The following PTPRD variants were observed in gnomAD, a reference collection of about 807,000 sequenced individuals.
PTPRD encodes protein tyrosine phosphatase receptor type D, also known as receptor-type tyrosine-protein phosphatase delta.
A neutral mutation model predicts 214.5 loss-of-function variants in PTPRD; 34 were observed. The observed-to-expected ratio is 0.16, with a 90% CI of 0.12 to 0.21. The LOEUF (loss-of-function observed/expected upper bound fraction) is 0.21. Ranked by LOEUF, PTPRD falls within the 10% of genes least tolerant of loss-of-function variation. PTPRD has a pLI of 1.00. For missense variants in PTPRD, 2,545 were observed against 2,398.7 expected (o/e 1.06, Z -1.27); for synonymous variants, 1,128 against 845.7 (o/e 1.33, Z -5.79).
At position 9,209,097 on chromosome 9, in the gene PTPRD, C is replaced by T. The variant is rs561422518; in HGVS notation, c.-202-25734G>A. ...TGCTGGAATTACAGGCTTGAGCCAC[C>T]GCGACCGGCTGACAATATAACTCCT... is the stretch of plus-strand genomic sequence containing the variant. On this transcript the variant is annotated intron_variant, in intron 9 of 45. Transcript: ENST00000381196. 1.7e-3 allele frequency among the ~76,000 whole-genome samples: 258 copies of T among 152,178 alleles called. 1 individual carries two copies. The highest frequency in any genetic ancestry group is 5.9e-3 in the African/African-American group (245 of 41,520).
At chr9:9,887,551 A>C (rs2071434602) in intron 5 of PTPRD, among the ~76,000 whole-genome samples, 1 of 152,158 alleles carries the variant, frequency 6.6e-6, no homozygotes, top group South Asian at 2.1e-4. Context: ...GAACAACATT[A>C]GATGTTAAAC....
chr9:8,319,372 A>G (rs1251141810), intron 45 of PTPRD, among the ~76,000 whole-genome samples: 1 of 152,084 alleles, frequency 6.6e-6, no homozygotes, highest in Non-Finnish European at 1.5e-5. Flanking sequence ...AGGCTTATCC[A>G]GAATCAAAAT....
chr9:9,599,046 G>A lies in PTPRD; in HGVS notation c.-286-24265C>T, dbSNP rs188791282. On this transcript the variant is annotated intron_variant, in intron 7 of 45. Transcript: ENST00000381196. ...ATGGATGATACAATGGATGATAAAT[G>A]TTTTTGCCCAGAGATTATCTAACCA... 3.9e-5 allele frequency among the ~76,000 whole-genome samples: 6 copies of A among 152,062 alleles called. No individual in the cohort carries two copies. In the East Asian group the frequency reaches 5.8e-4, roughly 15 times the overall value.
chr9:8,756,651 T>G (rs1313937802), intron 11 of PTPRD, among the ~76,000 whole-genome samples: 2 of 152,148 alleles, frequency 1.3e-5, no homozygotes, highest in Admixed American at 6.5e-5. Flanking sequence ...GCCTAGTCCA[T>G]GCTTAGGAAT....
intron 2 of PTPRD, among the ~76,000 whole-genome samples, chr9:10,588,761 T>C (rs938020112): frequency 6.6e-6 from 1 of 151,888 alleles, no homozygotes; most frequent in Non-Finnish European, 1.5e-5. Flanking sequence ...TTTAGGTCTT[T>C]AGTCAAATGC....
intron 11 of PTPRD, among the ~76,000 whole-genome samples, chr9:8,884,311 C>T (rs912052884): frequency 1.3e-5 from 2 of 152,194 alleles, no homozygotes; most frequent in Non-Finnish European, 2.9e-5. Flanking sequence ...GGATGATGCT[C>T]GATTGCCTGT....
chr9:9,421,793 C>T (rs559799511), intron 8 of PTPRD, among the ~76,000 whole-genome samples: 2 of 152,212 alleles, frequency 1.3e-5, no homozygotes, highest in African/African-American at 4.8e-5. Context: ...GGCGTCTCAG[C>T]AGTCCTGGCA....
At chr9:8,545,440 C>A (rs2140389980) in intron 14 of PTPRD, among the ~76,000 whole-genome samples, 1 of 152,226 alleles carries the variant, frequency 6.6e-6, no homozygotes, top group Admixed American at 6.5e-5. Context: ...TGGAAAACTT[C>A]TCAACAAAAT....
intron 11 of PTPRD, among the ~76,000 whole-genome samples, chr9:8,927,477 TGTTA>T (rs770589623): frequency 3.9e-4 from 59 of 152,226 alleles, no homozygotes; most frequent in Non-Finnish European, 7.1e-4. Context: ...CCTGTTCCTG[TGTTA>T]GTTTGCTGAG....
intron 11 of PTPRD, among the ~76,000 whole-genome samples, chr9:8,982,821 C>T (rs141605066): frequency 2.6e-5 from 4 of 151,910 alleles, no homozygotes; most frequent in African/African-American, 7.2e-5. Flanking sequence ...TTCAGAACTG[C>T]TTATATTCAG....
intron 11 of PTPRD, among the ~76,000 whole-genome samples, chr9:9,007,445 A>G (rs1051856038): frequency 7.5e-5 from 11 of 146,846 alleles, no homozygotes; most frequent in African/African-American, 2.7e-4. Flanking sequence ...TACCTTCAAT[A>G]CAAGTCCCTG....
At chr9:10,142,199 A>G (rs1415582184) in intron 3 of PTPRD, among the ~76,000 whole-genome samples, 35 of 152,106 alleles carry the variant, frequency 2.3e-4, no homozygotes, top group African/African-American at 8.2e-4. Context: ...ATTACCATTC[A>G]GGACATAGGC....
chr9:9,236,166 T>C (rs150189620), intron 9 of PTPRD, among the ~76,000 whole-genome samples: 136 of 152,140 alleles, frequency 8.9e-4, no homozygotes, highest in African/African-American at 3.2e-3. Context: ...GGCAGGAGAA[T>C]TGCTTGAATC....
chr9:10,081,826 T>C (rs2154189810), intron 3 of PTPRD, among the ~76,000 whole-genome samples: 1 of 152,242 alleles, frequency 6.6e-6, no homozygotes, highest in South Asian at 2.1e-4. Context: ...AAATTTTTTC[T>C]TAGTCATGAA....
chr9:9,087,076 C>G lies in PTPRD; in HGVS notation c.-142-68341G>C, dbSNP rs1024323393. Among the ~76,000 whole-genome samples, 5 of 152,306 alleles carry G rather than the reference C, an allele frequency of 3.3e-5. No homozygotes were observed. In the East Asian group the frequency reaches 9.6e-4, roughly 29 times the overall value. Reference sequence around the variant, plus strand: ...GCTCCTAGAAAAGCAAATACACACACAGAAAACACTGATTTCCATTGTCTC... The same window carrying G: ...GCTCCTAGAAAAGCAAATACACACAGAGAAAACACTGATTTCCATTGTCTC... On this transcript the variant is annotated intron_variant, in intron 10 of 45. Transcript: ENST00000381196.
intron 3 of PTPRD, among the ~76,000 whole-genome samples, chr9:10,159,495 G>A (rs1241721896): frequency 1.3e-5 from 2 of 151,884 alleles, no homozygotes; most frequent in Non-Finnish European, 2.9e-5. Context: ...AGAAAACCAC[G>A]ACCTCCACAG....
intron 6 of PTPRD, among the ~76,000 whole-genome samples, chr9:9,738,340 C>CCCTAAT (rs1183340644): frequency 6.6e-6 from 1 of 151,820 alleles, no homozygotes; most frequent in Non-Finnish European, 1.5e-5. Flanking sequence ...ATGTTTGTCT[C>CCCTAAT]CCTAATGACT....
At chr9:10,217,272 C>T (rs1216791556) in intron 3 of PTPRD, among the ~76,000 whole-genome samples, 2 of 151,580 alleles carry the variant, frequency 1.3e-5, no homozygotes, top group Non-Finnish European at 2.9e-5. Context: ...TTGGCCTCTT[C>T]CAGGCCAACA....
At chr9:9,393,966 G>A (rs2066817141) in intron 9 of PTPRD, among the ~76,000 whole-genome samples, 1 of 152,072 alleles carries the variant, frequency 6.6e-6, no homozygotes, top group African/African-American at 2.4e-5. Flanking sequence ...CTGATAGCTA[G>A]TGCTTTCATG....
Sources: gnomAD v4.1 joint callset for allele counts (sites outside exome capture counted in the v4.1 genomes callset) on GRCh38, gnomAD v4.1.1 for gene constraint, MANE v1.5 for transcripts, NCBI Gene and HGNC (gene_info 2026-07-23, HGNC 2026-07-21) for gene names.